Variants in STPG4 observed in about 807,000 individuals in gnomAD.
STPG4 encodes the protein protein STPG4.
Under a neutral mutation model 31.5 loss-of-function variants are expected in STPG4, and 41 were observed. That is an observed-to-expected ratio of 1.30 (90% CI 1.01 to 1.69). The LOEUF (loss-of-function observed/expected upper bound fraction) is 1.69. Among genes scored for constraint, STPG4 ranks in the 40% most tolerant of loss-of-function variants. The pLI, the probability that STPG4 is intolerant of heterozygous loss-of-function variation, is 0.00. For missense variants in STPG4, 375 were observed against 293.4 expected, an observed-to-expected ratio of 1.28 and a Z score of -2.03; for synonymous variants, 141 against 103.0, an observed-to-expected ratio of 1.37 and a Z score of -2.24.
At chr2:47,125,140 G>A (rs538488438) in intron 5 of STPG4, among the ~76,000 whole-genome samples, 1 of 152,222 alleles carries the variant, frequency 6.6e-6, no homozygotes, top group East Asian at 1.9e-4. Context: ...TCCTATTGAG[G>A]TTGGGCATGG....
Position 47,130,201 on chromosome 2 carries a change from A to G in STPG4, c.459T>C (p.Ala153=), listed in dbSNP as rs1339918345. Residue 153 remains alanine (A), a synonymous_variant, in exon 4 of 7, where the codon GCT becomes GCC. Transcript: ENST00000445927. ...TTTAATAAGTATATAATTACCTGGA[A>G]GCATATTTGGGAACTGGTGCAGGAA... ...NVLPAPVPKY[A]SRSCVFRSTV... The G allele has an allele frequency of 1.2e-6, 2 of 1,613,014 alleles. No individual in the cohort carries two copies. The highest frequency in any genetic ancestry group is 1.3e-5 in the African/African-American group (1 of 74,920).
intron 5 of STPG4, among the ~76,000 whole-genome samples, chr2:47,115,470 A>G (rs1211238011): frequency 1.3e-5 from 2 of 152,116 alleles, no homozygotes; most frequent in Non-Finnish European, 2.9e-5. Context: ...TTGTTTTCAC[A>G]ATTCATTGTT....
intron 5 of STPG4, chr2:47,129,725 T>G: frequency 5.7e-6 from 3 of 524,738 alleles, no homozygotes; most frequent in Non-Finnish European, 9.8e-6. Flanking sequence ...CCTCTTTCCT[T>G]GATACAATGT....
At chr2:47,107,918 T>C (rs1685953469) in intron 5 of STPG4, among the ~76,000 whole-genome samples, 1 of 151,978 alleles carries the variant, frequency 6.6e-6, no homozygotes, top group Non-Finnish European at 1.5e-5. Context: ...GGTGGGGCCT[T>C]GGAGAACCTT....
chr2:47,141,313 A>G (rs1191892743), intron 3 of STPG4, among the ~76,000 whole-genome samples: 1 of 151,118 alleles, frequency 6.6e-6, no homozygotes, highest in Non-Finnish European at 1.5e-5. Flanking sequence ...AATAAACAAC[A>G]TGGGACTTTC....
At chr2:47,107,711 C>T (rs910288032) in intron 5 of STPG4, among the ~76,000 whole-genome samples, 111 of 151,760 alleles carry the variant, frequency 7.3e-4, no homozygotes, top group South Asian at 4.0e-3. Context: ...AGCCCTGGTG[C>T]GGGATCCACT....
chr2:47,087,133 G>C lies in STPG4; in HGVS notation c.625-3C>G, dbSNP rs779416924. Reference sequence around the variant, plus strand: ...TATGCTCCTGGGCCTGGGGTTTTCTGAAAACAGAGCAGAAAACAGGGACTG... The same window carrying C: ...TATGCTCCTGGGCCTGGGGTTTTCTCAAAACAGAGCAGAAAACAGGGACTG... On this transcript the variant is annotated splice_polypyrimidine_tract_variant and splice_region_variant and intron_variant, in intron 6 of 6. Coordinates refer to ENST00000445927, the MANE Select transcript of STPG4 (RefSeq NM_001163561.2). The C allele has an allele frequency of 1.1e-5, 17 of 1,551,490 alleles. No individual in the cohort carries two copies. In the African/African-American group the frequency reaches 2.2e-4, roughly 20 times the overall value.
chr2:47,093,190 G>A (rs1031637816), intron 5 of STPG4, among the ~76,000 whole-genome samples: 2 of 152,204 alleles, frequency 1.3e-5, no homozygotes, highest in Non-Finnish European at 2.9e-5. Flanking sequence ...CATGAATGGA[G>A]TCTGTTATTA....
At chr2:47,143,626 T>C (rs894509197) in intron 3 of STPG4, among the ~76,000 whole-genome samples, 1 of 152,010 alleles carries the variant, frequency 6.6e-6, no homozygotes, top group Non-Finnish European at 1.5e-5. Flanking sequence ...GCTGGGACTA[T>C]AGGCGTGCGC....
At position 47,121,074 on chromosome 2, in the gene STPG4, G is replaced by T. The variant is rs957667152; in HGVS notation, c.519+8867C>A. 9.1e-5 allele frequency: 14 copies of T among 154,262 alleles called. No individual in the cohort carries two copies. In the South Asian group the frequency reaches 1.8e-3, roughly 20 times the overall value. The allele number at this position is 154,262 out of a possible 1,614,324, so 9.6% of individuals were successfully genotyped here. ...CAGAGGACTTGCGAAGGAGAAGCAAGCTGATTTGCTCCACAGAACACAAGA... is the reference window on the plus strand; with the variant it reads ...CAGAGGACTTGCGAAGGAGAAGCAATCTGATTTGCTCCACAGAACACAAGA... On this transcript the variant is annotated intron_variant, in intron 5 of 6. Transcript: ENST00000445927.
At chr2:47,100,292 A>T (rs1573152737) in intron 5 of STPG4, among the ~76,000 whole-genome samples, 1 of 151,136 alleles carries the variant, frequency 6.6e-6, no homozygotes, top group East Asian at 2.0e-4. Context: ...TTGTAAACAC[A>T]CCAATCAGCA....
intron 3 of STPG4, among the ~76,000 whole-genome samples, chr2:47,130,789 A>G (rs761658359): frequency 1.2e-4 from 19 of 152,128 alleles, no homozygotes; most frequent in Admixed American, 3.9e-4. Context: ...TACTGGGATT[A>G]CAGGCATGAA....
intron 5 of STPG4, among the ~76,000 whole-genome samples, chr2:47,100,492 C>T (rs1244771218): frequency 2.7e-5 from 4 of 148,898 alleles, no homozygotes; most frequent in African/African-American, 7.5e-5. Flanking sequence ...ACAGACCACT[C>T]GGCTCTACCA....
intron 5 of STPG4, among the ~76,000 whole-genome samples, chr2:47,119,152 G>A (rs1686211878): frequency 6.6e-6 from 1 of 152,204 alleles, no homozygotes; most frequent in Non-Finnish European, 1.5e-5. Flanking sequence ...CCTCTCTGCA[G>A]TTCACAAGTT....
In STPG4 at chr2:47,147,376, T is replaced by C. The variant is rs537158868; in HGVS notation, c.399+3882A>G. On this transcript the variant is annotated intron_variant, in intron 3 of 6. Transcript: ENST00000445927. ...CAGTGTATGCAGGGAATAACTATAA[T>C]GATTAACTATGGGATTGGAGCTTTG... Among the ~76,000 whole-genome samples, 155 of 152,286 alleles carry C rather than the reference T, an allele frequency of 1.0e-3. 2 individuals carry two copies. The highest frequency in any genetic ancestry group is 3.7e-3 in the African/African-American group (154 of 41,544).
Position 47,129,960 on chromosome 2 carries a change from G to A in STPG4, c.500C>T (p.Pro167Leu). 2 of 1,605,966 alleles carry A rather than the reference G, an allele frequency of 1.2e-6. No individual in the cohort carries two copies. The highest frequency in any genetic ancestry group is 1.7e-6 in the Non-Finnish European group (2 of 1,173,476). Residue 167 changes from proline (P) to leucine (L), a missense_variant, in exon 5 of 7, where the codon CCA becomes CTA. Physicochemically the swap from Pro to Leu is moderately conservative, Grantham distance 98 (BLOSUM62 -3). Transcript: ENST00000445927. The stretch of plus-strand genomic sequence containing the variant: ...ACTTACGGGAATAAAATAGGTTGTT[G>A]GGAATCTTTGAACTGTTGAGCGAAA... Reference protein sequence around the residue: ...CVFRSTVQRFPTTYFIPHEGP... With the variant: ...CVFRSTVQRFLTTYFIPHEGP...
At chr2:47,112,434 G>T (rs1173500839) in intron 5 of STPG4, among the ~76,000 whole-genome samples, 1 of 151,504 alleles carries the variant, frequency 6.6e-6, no homozygotes. Context: ...GCCTCCCAAA[G>T]TGCTGGATTA....
intron 5 of STPG4, among the ~76,000 whole-genome samples, chr2:47,098,795 T>C (rs1447813105): frequency 1.4e-5 from 2 of 146,438 alleles, no homozygotes; most frequent in East Asian, 4.0e-4. Context: ...GAGGACAGAA[T>C]CCTGTGTGGA....
At chr2:47,112,390 C>T (rs1686056416) in intron 5 of STPG4, among the ~76,000 whole-genome samples, 1 of 152,084 alleles carries the variant, frequency 6.6e-6, no homozygotes, top group Admixed American at 6.6e-5. Flanking sequence ...AAGCTGGTCT[C>T]AAACTCCTGA....
Sources: allele counts gnomAD v4.1 joint callset (sites outside exome capture counted in the v4.1 genomes callset), GRCh38; gene constraint gnomAD v4.1.1; transcripts MANE v1.5; gene names NCBI Gene and HGNC (gene_info 2026-07-23, HGNC 2026-07-21).